Variants in DMD observed in about 807,000 individuals in gnomAD.
DMD encodes dystrophin.
Under a neutral mutation model 330.1 loss-of-function variants are expected in DMD, and 63 were observed. The observed-to-expected ratio is 0.19, with a 90% CI of 0.16 to 0.24. The LOEUF is 0.24. Among genes scored for constraint, DMD ranks in the 10% least tolerant of loss-of-function variants. DMD has a pLI of 1.00. For synonymous variants in DMD, 1,223 were observed against 959.8 expected, an observed-to-expected ratio of 1.27 and a Z score of -5.07; for missense variants, 3,344 against 2,684.1, an observed-to-expected ratio of 1.25 and a Z score of -5.43.
chrX:31,704,225 A>G (rs750768190), intron 52 of DMD, among the ~76,000 whole-genome samples: 6 of 111,975 alleles, frequency 5.4e-5, no homozygotes, highest in African/African-American at 1.3e-4. Flanking sequence ...AACTCTTACA[A>G]TAGTACAGCA....
chrX:32,190,690 T>C (rs991014366), intron 44 of DMD, among the ~76,000 whole-genome samples: 18 of 106,504 alleles, frequency 1.7e-4, no homozygotes, highest in African/African-American at 6.2e-4. Flanking sequence ...TACTGAAGTA[T>C]TTGTGAAAAA....
intron 42 of DMD, among the ~76,000 whole-genome samples, chrX:32,290,156 C>T (rs913427279): frequency 4.5e-5 from 5 of 111,584 alleles, no homozygotes; most frequent in Admixed American, 3.8e-4. Context: ...TGCTGTTCTA[C>T]CTGCCAAAAA....
chrX:33,138,156 G>A (rs1476190901), intron 1 of DMD, among the ~76,000 whole-genome samples: 3 of 111,522 alleles, frequency 2.7e-5, no homozygotes, highest in Non-Finnish European at 5.7e-5. Flanking sequence ...TGAAAGAGTT[G>A]GATTTCCAAC....
At chrX:32,814,202 T>C (rs2077561958) in intron 6 of DMD, among the ~76,000 whole-genome samples, 1 of 112,334 alleles carries the variant, frequency 8.9e-6, no homozygotes, top group East Asian at 2.8e-4. Flanking sequence ...GGAAGACAAT[T>C]GTAACTTTAT....
At chrX:32,574,382 TTC>T (rs956068546) in intron 13 of DMD, among the ~76,000 whole-genome samples, 9 of 111,988 alleles carry the variant, frequency 8.0e-5, no homozygotes, top group Non-Finnish European at 1.7e-4. Context: ...TATTAAAATT[TTC>T]TGTTTCTAAA....
rs144584984 is a variant in DMD at position 31,168,708 on chromosome X, T to C, written c.10553+735A>G. Among the ~76,000 whole-genome samples the C allele has an allele frequency of 7.1e-3, 791 of 111,793 alleles. 8 individuals are homozygous for C. Among genetic ancestry groups the C allele is most frequent in the African/African-American group, 0.023 (696 of 30,751 alleles). On this transcript the variant is annotated intron_variant, in intron 74 of 78. Coordinates refer to ENST00000357033, the MANE Select transcript of DMD (RefSeq NM_004006.3). ...TGTCTGAAGAAGGCACATTGTGAGT[T>C]AGAAGTGATCATGTGAGAAGACTTT...
At chrX:32,620,954 A>G (rs890659239) in intron 11 of DMD, among the ~76,000 whole-genome samples, 2 of 111,544 alleles carry the variant, frequency 1.8e-5, no homozygotes, top group Non-Finnish European at 3.8e-5. Context: ...TACGAAATAT[A>G]CAATTATTGA....
At chrX:32,648,862 A>G (rs1048175252) in intron 9 of DMD, among the ~76,000 whole-genome samples, 1 of 111,862 alleles carries the variant, frequency 8.9e-6, no homozygotes, top group Non-Finnish European at 1.9e-5. Context: ...CACTTCATAC[A>G]TGTCATGGCA....
At position 32,092,042 on chromosome X, in the gene DMD, C is replaced by T. The variant is rs778711628; in HGVS notation, c.6439-123528G>A. Reference sequence around the variant, plus strand: ...CATTATTTCAACATTTAAAATTTGCCTAGAGAGCAGCAGCATCCCTGACAG... The same window carrying T: ...CATTATTTCAACATTTAAAATTTGCTTAGAGAGCAGCAGCATCCCTGACAG... On this transcript the variant is annotated intron_variant, in intron 44 of 78. Transcript: ENST00000357033. 1.1e-4 allele frequency among the ~76,000 whole-genome samples: 12 copies of T among 111,627 alleles called. 1 individual carries two copies. The Admixed American group carries it at 1.1e-3, about 11-fold the overall frequency.
rs375551101 is a variant in DMD at position 32,581,496 on chromosome X, A to G, written c.1603-7650T>C. ...TAAACTACTATTAAATACCATAGGG[A>G]CTAAATAGAACTTTATCTAAATACA... On this transcript the variant is annotated intron_variant, in intron 13 of 78. Coordinates refer to ENST00000357033, the MANE Select transcript of DMD (RefSeq NM_004006.3). 1.8e-3 allele frequency among the ~76,000 whole-genome samples: 205 copies of G among 112,044 alleles called. No individual in the cohort carries two copies. In the South Asian group the frequency reaches 0.023, roughly 13 times the overall value.
chrX:31,831,796 G>A (rs960798602), intron 49 of DMD, among the ~76,000 whole-genome samples: 4 of 111,616 alleles, frequency 3.6e-5, no homozygotes, highest in Non-Finnish European at 5.6e-5. Context: ...TAGAGATGGG[G>A]TTTCACCATG....
chrX:31,399,380 C>G (rs946095793), intron 60 of DMD, among the ~76,000 whole-genome samples: 55 of 95,402 alleles, frequency 5.8e-4, no homozygotes, highest in African/African-American at 2.1e-3. Flanking sequence ...TTTCTGACAT[C>G]CATCTGCTTC....
chrX:32,276,231 T>C, intron 43 of DMD, among the ~76,000 whole-genome samples: 1 of 112,607 alleles, frequency 8.9e-6, no homozygotes, highest in East Asian at 2.8e-4. Context: ...AACTCAAGTT[T>C]CTTGGCAAGC....
intron 60 of DMD, among the ~76,000 whole-genome samples, chrX:31,358,420 A>G (rs184780525): frequency 3.1e-4 from 35 of 111,628 alleles, no homozygotes; most frequent in East Asian, 2.0e-3. Flanking sequence ...AAGAAATCCT[A>G]AAATCCATCA....
At chrX:32,486,985 G>C (rs977764429) in intron 20 of DMD, among the ~76,000 whole-genome samples, 2 of 110,788 alleles carry the variant, frequency 1.8e-5, no homozygotes, top group Admixed American at 1.9e-4. Flanking sequence ...GGCAACAAAA[G>C]ACAAATTGAC....
In DMD at chrX:31,228,181, C is replaced by T. The variant is rs777880184; in HGVS notation, c.9287-5060G>A. 2.6e-4 allele frequency among the ~76,000 whole-genome samples: 27 copies of T among 103,559 alleles called. 1 individual carries two copies. In the East Asian group the frequency reaches 7.3e-3, roughly 28 times the overall value. 89.9% of individuals were successfully genotyped at this position (103,559 alleles called of 115,157 possible). A position where few individuals can be genotyped will look rare whatever the true frequency, so the allele number is the denominator to read the frequency against. On this transcript the variant is annotated intron_variant, in intron 63 of 78. Coordinates refer to ENST00000357033, the MANE Select transcript of DMD (RefSeq NM_004006.3). Reference sequence around the variant, plus strand: ...AGATGACGAGTTAGTGGGTGCAGCGCACCAGCATGGCACATGTATACATAT... The same window carrying T: ...AGATGACGAGTTAGTGGGTGCAGCGTACCAGCATGGCACATGTATACATAT...
intron 34 of DMD, among the ~76,000 whole-genome samples, chrX:32,379,506 T>A (rs1251938921): frequency 8.9e-6 from 1 of 111,767 alleles, no homozygotes; most frequent in Admixed American, 9.6e-5. Context: ...TCATGTATGA[T>A]CCTGAATAAC....
At chrX:33,162,337 T>TCAAATCAATG (rs1165562299) in intron 1 of DMD, among the ~76,000 whole-genome samples, 1 of 111,953 alleles carries the variant, frequency 8.9e-6, no homozygotes, top group Non-Finnish European at 1.9e-5. Context: ...AAGTGTATAT[T>TCAAATCAATG]CAAATCAATG....
intron 12 of DMD, among the ~76,000 whole-genome samples, chrX:32,607,011 AG>A (rs2056776893): frequency 9.1e-6 from 1 of 109,406 alleles, no homozygotes; most frequent in African/African-American, 3.3e-5. Flanking sequence ...TAGGGGGGTG[AG>A]GGGTGAAAAA....
Sources: gnomAD v4.1 joint callset for allele counts (sites outside exome capture counted in the v4.1 genomes callset) on GRCh38, gnomAD v4.1.1 for gene constraint, MANE v1.5 for transcripts, NCBI Gene and HGNC (gene_info 2026-07-23, HGNC 2026-07-21) for gene names.